BLTP1: variants seen among roughly 807,000 people sequenced by gnomAD.
BLTP1 encodes bridge-like lipid transfer protein family member 1.
chr4:122,335,260 T>A, the BLTP1 span, among the ~76,000 whole-genome samples: 2 of 152,012 alleles, frequency 1.3e-5, no homozygotes, highest in Non-Finnish European at 2.9e-5. Flanking sequence ...GCATTATCTC[T>A]TATGGCTTAG....
chr4:122,294,217 C>T, the BLTP1 span, among the ~76,000 whole-genome samples: 15 of 151,976 alleles, frequency 9.9e-5, no homozygotes, highest in South Asian at 2.1e-4. Context: ...GGATGAGGGG[C>T]GTTTCCCCCA....
the BLTP1 span, chr4:122,192,424 T>C: frequency 1.6e-6 from 2 of 1,221,334 alleles, no homozygotes; most frequent in South Asian, 3.1e-5. Context: ...TAGATGTATT[T>C]AGATGTATAT....
chr4:122,309,536 T>A, the BLTP1 span: 1 of 1,423,770 alleles, frequency 7.0e-7, no homozygotes, highest in Non-Finnish European at 9.6e-7. Flanking sequence ...TTTGTGAAAT[T>A]AAAAGATGCT....
the BLTP1 span, among the ~76,000 whole-genome samples, chr4:122,297,800 T>G: frequency 1.3e-5 from 2 of 152,142 alleles, no homozygotes; most frequent in Non-Finnish European, 2.9e-5. Context: ...AGCATACTAA[T>G]GCAGGAACAG....
At chr4:122,247,526 C>T in the BLTP1 span, 1 of 1,040,720 alleles carries the variant, frequency 9.6e-7, no homozygotes, top group Non-Finnish European at 1.4e-6. Flanking sequence ...CTACTTGTCA[C>T]TCACATTCTG....
chr4:122,182,899 A>T, the BLTP1 span: 1 of 985,094 alleles, frequency 1.0e-6, no homozygotes, highest in Non-Finnish European at 1.2e-6. Context: ...CCTGTTAAAG[A>T]TTTTTATCAA....
chr4:122,344,895 G>A, the BLTP1 span: 12 of 984,842 alleles, frequency 1.2e-5, no homozygotes, highest in East Asian at 1.1e-4. Flanking sequence ...ACACTAAAAC[G>A]GGATGAGTGA....
At chr4:122,189,371 G>A in the BLTP1 span, 1 of 982,768 alleles carries the variant, frequency 1.0e-6, no homozygotes, top group African/African-American at 1.7e-5. Context: ...AATGGTTTCT[G>A]GGAAATTATT....
At chr4:122,203,810 A>G in the BLTP1 span, 91 of 521,516 alleles carry the variant, frequency 1.7e-4, no homozygotes, top group African/African-American at 1.8e-3. Flanking sequence ...ACGATTTATT[A>G]GAAATAGACT....
chr4:122,228,749 A>G, the BLTP1 span, among the ~76,000 whole-genome samples: 1 of 152,136 alleles, frequency 6.6e-6, no homozygotes, highest in Non-Finnish European at 1.5e-5. Flanking sequence ...GAGTACCTGT[A>G]AGAAAACCTT....
chr4:122,331,967 T>C, the BLTP1 span: 1 of 173,898 alleles, frequency 5.8e-6, no homozygotes, highest in African/African-American at 2.4e-5. Flanking sequence ...TAGACTGAAA[T>C]TGTGTTCAGG....
At chr4:122,294,349 T>G in the BLTP1 span, among the ~76,000 whole-genome samples, 7 of 151,870 alleles carry the variant, frequency 4.6e-5, no homozygotes, top group African/African-American at 1.7e-4. Flanking sequence ...CCTGTAGGAG[T>G]GTTCGGTCCA....
At chr4:122,267,650 GTC>G in the BLTP1 span, 1 of 972,512 alleles carries the variant, frequency 1.0e-6, no homozygotes, top group South Asian at 4.8e-5. Context: ...CATATTGAGA[GTC>G]TAGCCATCAG....
At chr4:122,336,918 A>G in the BLTP1 span, 1 of 1,609,380 alleles carries the variant, frequency 6.2e-7, no homozygotes. Context: ...GACATTTTGA[A>G]ATACCAGATC....
At chr4:122,188,177 T>A in the BLTP1 span, 1 of 1,252,340 alleles carries the variant, frequency 8.0e-7, no homozygotes, top group Non-Finnish European at 1.0e-6. Context: ...CTTTTTTTGC[T>A]ACAAGTTGTA....
chr4:122,152,347 T>G, the BLTP1 span: 24 of 985,202 alleles, frequency 2.4e-5, no homozygotes, highest in African/African-American at 8.7e-5. Flanking sequence ...CCGCCCGGCC[T>G]CGGTTGGGAC....
At chr4:122,321,606 C>A in the BLTP1 span, among the ~76,000 whole-genome samples, 1 of 152,048 alleles carries the variant, frequency 6.6e-6, no homozygotes, top group African/African-American at 2.4e-5. Flanking sequence ...TTATTTTGAA[C>A]AAACTTACCT....
the BLTP1 span, chr4:122,187,879 A>ATTTT: frequency 1.5e-6 from 2 of 1,312,400 alleles, no homozygotes; most frequent in Non-Finnish European, 1.0e-6. Context: ...TTATCTGTTT[A>ATTTT]TTTTTTTTTT....
the BLTP1 span, among the ~76,000 whole-genome samples, chr4:122,203,510 C>T: frequency 5.3e-5 from 8 of 151,770 alleles, no homozygotes; most frequent in Non-Finnish European, 7.4e-5. Flanking sequence ...TTCAGAGTAA[C>T]ATTTAGCTTG....
Sources: gnomAD v4.1 joint callset for allele counts (sites outside exome capture counted in the v4.1 genomes callset) on GRCh38, gnomAD v4.1.1 for gene constraint, MANE v1.5 for transcripts, NCBI Gene and HGNC (gene_info 2026-07-23, HGNC 2026-07-21) for gene names.